Variants in FRY observed in about 807,000 individuals in gnomAD.
FRY encodes protein furry homolog.
FRY carries 128 observed loss-of-function variants against 348.4 expected under a neutral mutation model. That is an observed-to-expected ratio of 0.37 (90% CI 0.32 to 0.43). FRY has a LOEUF of 0.43. Ranked by LOEUF, FRY falls within the 20% of genes least tolerant of loss-of-function variation. The pLI is 1.00. For synonymous variants in FRY, 1,370 were observed against 1,374.7 expected, an observed-to-expected ratio of 1.00 and a Z score of 0.08; for missense variants, 2,736 against 3,695.2, an observed-to-expected ratio of 0.74 and a Z score of 6.73.
At chr13:32,274,635 G>T (rs189954513) in intron 55 of FRY, among the ~76,000 whole-genome samples, 24 of 148,852 alleles carry the variant, frequency 1.6e-4, no homozygotes, top group East Asian at 1.6e-3. Flanking sequence ...ACCTGGGAGG[G>T]GGAGCTTGCA....
rs746928025 is a variant in FRY at position 32,124,252 on chromosome 13, G to T, written c.465-34G>T. 5 of 1,218,414 alleles carry T rather than the reference G, an allele frequency of 4.1e-6. No individual in the cohort carries two copies. In the South Asian group the frequency reaches 6.0e-5, roughly 15 times the overall value. The allele number at this position is 1,218,414 out of a possible 1,614,324, so 75.5% of individuals were successfully genotyped here. A position where few individuals can be genotyped will look rare whatever the true frequency, so the allele number is the denominator to read the frequency against. On this transcript the variant is annotated intron_variant, in intron 4 of 60. Coordinates refer to ENST00000542859, the MANE Select transcript of FRY (RefSeq NM_023037.3). ...TTGTATTACTCTGAGAATACCTTCA[G>T]TGTGCTTTAATGTAAATATTTTAAA... is the stretch of plus-strand genomic sequence containing the variant.
Position 32,228,456 on chromosome 13 carries a change from G to C in FRY, c.5207G>C (p.Gly1736Ala). The C allele has an allele frequency of 3.1e-6, 5 of 1,611,576 alleles. No homozygotes were observed. The highest frequency in any genetic ancestry group is 4.2e-6 in the Non-Finnish European group (5 of 1,179,272). ...PAYQPEYLYT[G>A]GFDFLREDQS... ...CTCCTTGACCTTCTTCTCCCACCAGGTGGCTTTGACTTCCTGAGAGAGGAC... is the reference window on the plus strand; with the variant it reads ...CTCCTTGACCTTCTTCTCCCACCAGCTGGCTTTGACTTCCTGAGAGAGGAC... The change falls in exon 40 of 61, where the codon GGT (glycine) becomes GCT (alanine). Residue 1736 changes from glycine (G) to alanine (A), a missense_variant and splice_region_variant. This residue lies in a region of FRY where 794 missense variants were observed against 977.0 expected (regional missense o/e 0.81). Transcript: ENST00000542859.
At chr13:32,093,041 A>G (rs1325284018) in intron 2 of FRY, among the ~76,000 whole-genome samples, 2 of 152,226 alleles carry the variant, frequency 1.3e-5, no homozygotes, top group East Asian at 1.9e-4. Context: ...GAATAGCACA[A>G]TGAACCTAAT....
intron 7 of FRY, among the ~76,000 whole-genome samples, chr13:32,125,582 C>T (rs1429011396): frequency 2.0e-5 from 3 of 152,150 alleles, no homozygotes; most frequent in African/African-American, 7.2e-5. Context: ...CAGTGATGCT[C>T]CAATCCTTGT....
intron 35 of FRY, among the ~76,000 whole-genome samples, chr13:32,216,932 A>G (rs1885025558): frequency 6.6e-6 from 1 of 152,242 alleles, no homozygotes; most frequent in African/African-American, 2.4e-5. Context: ...AATATCTAAA[A>G]AGTGAATGAA....
intron 1 of FRY, among the ~76,000 whole-genome samples, chr13:32,036,895 A>C (rs1199346858): frequency 6.6e-6 from 1 of 152,166 alleles, no homozygotes; most frequent in Non-Finnish European, 1.5e-5. Flanking sequence ...GAACACTGTG[A>C]GGAACTTAGT....
chr13:32,219,651 C>T (rs1005977211), intron 36 of FRY, among the ~76,000 whole-genome samples: 2 of 151,770 alleles, frequency 1.3e-5, no homozygotes, highest in East Asian at 2.0e-4. Flanking sequence ...CCCAGCTACT[C>T]GGGAGGCTGA....
At chr13:32,150,646 TA>T (rs1376192625) in intron 14 of FRY, among the ~76,000 whole-genome samples, 1 of 151,694 alleles carries the variant, frequency 6.6e-6, no homozygotes, top group African/African-American at 2.4e-5. Flanking sequence ...ACTCTTAAGA[TA>T]AAAAAAGGGA....
intron 51 of FRY, 97 bp downstream of exon 51, chr13:32,254,491 G>C: frequency 8.6e-7 from 1 of 1,158,850 alleles, no homozygotes; most frequent in Non-Finnish European, 1.3e-6. Flanking sequence ...TTTGTAACAA[G>C]ATCTTTAATT....
At chr13:32,131,598 C>T in intron 7 of FRY, 74 bp from the exon 8 acceptor site, 1 of 997,024 alleles carries the variant, frequency 1.0e-6, no homozygotes, top group South Asian at 1.3e-5. Flanking sequence ...TCAATCACTC[C>T]CAGATGCTGG....
intron 60 of FRY, 42 bp downstream of exon 60, chr13:32,294,612 A>G: frequency 7.1e-7 from 1 of 1,417,048 alleles, no homozygotes; most frequent in Non-Finnish European, 1.0e-6. Context: ...CAGGAAATGC[A>G]CACCTGGTTG....
In FRY at chr13:32,178,417, A is replaced by T; in HGVS notation, c.2662A>T (p.Met888Leu). The T allele has an allele frequency of 2.5e-6, 4 of 1,614,160 alleles. No homozygotes were observed. Among genetic ancestry groups the T allele is most frequent in the Non-Finnish European group, 2.5e-6 (3 of 1,179,988 alleles). ...TGCCTTCACTCGGCTCCAGTCGGTGATGCCTCTGGTGGACCCAAAGTAAGG... is the reference window on the plus strand; with the variant it reads ...TGCCTTCACTCGGCTCCAGTCGGTGTTGCCTCTGGTGGACCCAAAGTAAGG... ...PYAFTRLQSV[M>L]PLVDPNSPIN... The change falls in exon 21 of 61, where the codon ATG becomes TTG. Residue 888 changes from methionine to leucine, a missense_variant. By Grantham distance (15) the Met-to-Leu change is conservative. Around this residue, in one of 9 missense-constraint regions of FRY, gnomAD observed 449 missense variants for 576.9 expected, o/e 0.78. Coordinates refer to ENST00000542859, the MANE Select transcript of FRY (RefSeq NM_023037.3).
At chr13:32,129,349 C>T (rs1018005441) in intron 7 of FRY, among the ~76,000 whole-genome samples, 2 of 152,120 alleles carry the variant, frequency 1.3e-5, no homozygotes, top group South Asian at 2.1e-4. Flanking sequence ...AGTAGGTCTG[C>T]GGTAGGACCA....
intron 13 of FRY, among the ~76,000 whole-genome samples, chr13:32,148,762 T>C (rs1326050213): frequency 1.3e-5 from 2 of 152,332 alleles, no homozygotes; most frequent in East Asian, 1.9e-4. Context: ...ATGAAAGTAC[T>C]GTTGAAGTAC....
At chr13:32,276,043 A>G (rs957661627) in intron 56 of FRY, among the ~76,000 whole-genome samples, 2 of 152,188 alleles carry the variant, frequency 1.3e-5, no homozygotes, top group Non-Finnish European at 2.9e-5. Context: ...ATACAATATG[A>G]AAAGTCATTC....
chr13:32,102,304 A>C (rs1198902843), intron 3 of FRY, among the ~76,000 whole-genome samples: 3 of 152,236 alleles, frequency 2.0e-5, no homozygotes, highest in Admixed American at 1.3e-4. Context: ...AACCAAGAAA[A>C]GAGAGTTTAA....
At chr13:32,215,493 A>C (rs1030957373) in intron 35 of FRY, among the ~76,000 whole-genome samples, 1 of 152,262 alleles carries the variant, frequency 6.6e-6, no homozygotes, top group African/African-American at 2.4e-5. Context: ...AGTTTATTTT[A>C]CTAGGCATCA....
chr13:32,113,477 T>C (rs1484659146), intron 3 of FRY, among the ~76,000 whole-genome samples: 1 of 152,192 alleles, frequency 6.6e-6, no homozygotes, highest in Non-Finnish European at 1.5e-5. Context: ...AAAGTAAACA[T>C]TAAAACATTT....
chr13:32,195,097 G>A (rs1047236157), intron 29 of FRY, among the ~76,000 whole-genome samples: 3 of 152,256 alleles, frequency 2.0e-5, no homozygotes, highest in South Asian at 2.1e-4. Flanking sequence ...AGTAAAAGCG[G>A]TATTTTGGAA....
Sources: gnomAD v4.1 joint callset for allele counts (sites outside exome capture counted in the v4.1 genomes callset) on GRCh38, gnomAD v4.1.1 for gene constraint, gnomAD v4.1.1 regional missense constraint, MANE v1.5 for transcripts, NCBI Gene and HGNC (gene_info 2026-07-23, HGNC 2026-07-21) for gene names.